Variants in RPS6KC1 observed in about 807,000 individuals in gnomAD.
RPS6KC1 encodes inactive ribosomal protein S6 kinase delta-1.
Under a neutral mutation model 103.8 loss-of-function variants are expected in RPS6KC1, and 54 were observed. That is an observed-to-expected ratio of 0.52 (90% CI 0.42 to 0.65). The LOEUF (loss-of-function observed/expected upper bound fraction) is 0.65. RPS6KC1 is among the 30% of genes least tolerant of loss of function. The pLI is 0.00. For missense variants in RPS6KC1, 1,151 were observed against 1,253.8 expected (o/e 0.92, Z 1.24); for synonymous variants, 439 against 438.7 (o/e 1.00, Z -0.01).
chr1:213,317,162 G>T, the RPS6KC1 span, among the ~76,000 whole-genome samples: 1 of 152,228 alleles, frequency 6.6e-6, no homozygotes, highest in African/African-American at 2.4e-5. Context: ...TTGGGTGTAT[G>T]TAAATTGAGA....
chr1:213,601,869 C>A, the RPS6KC1 span, among the ~76,000 whole-genome samples: 8 of 151,538 alleles, frequency 5.3e-5, no homozygotes, highest in Non-Finnish European at 8.8e-5. Context: ...TCCTTCATTT[C>A]TTTTCTTCCT....
the RPS6KC1 span, among the ~76,000 whole-genome samples, chr1:213,328,475 TTAG>T: frequency 7.0e-6 from 1 of 142,746 alleles, no homozygotes; most frequent in Non-Finnish European, 1.5e-5. Flanking sequence ...TGTGTTCAAC[TTAG>T]TAGGAACTGG....
At chr1:213,544,785 G>A in the RPS6KC1 span, among the ~76,000 whole-genome samples, 2 of 152,278 alleles carry the variant, frequency 1.3e-5, no homozygotes, top group South Asian at 4.1e-4. Context: ...TCACCTTAGA[G>A]GGTCTTCTCT....
At chr1:213,314,228 T>C in the RPS6KC1 span, among the ~76,000 whole-genome samples, 7 of 152,210 alleles carry the variant, frequency 4.6e-5, no homozygotes, top group African/African-American at 1.7e-4. Flanking sequence ...ATCAGTCATA[T>C]TGGATTAGGT....
At chr1:213,316,700 AGTGTGTGTGTGTGTGTGT>A in the RPS6KC1 span, among the ~76,000 whole-genome samples, 3 of 144,430 alleles carry the variant, frequency 2.1e-5, no homozygotes, top group African/African-American at 7.5e-5. Flanking sequence ...TAGGGCATGC[AGTGTGTGTGTGTGTGTGT>A]GTGTGTGTGT....
At chr1:213,140,894 A>G (rs555325492) in intron 6 of RPS6KC1, among the ~76,000 whole-genome samples, 1 of 101,190 alleles carries the variant, frequency 9.9e-6, no homozygotes, top group East Asian at 2.6e-4. Flanking sequence ...GTACCTCCTC[A>G]TTTTTTTTTT....
At chr1:213,669,952 C>T in the RPS6KC1 span, among the ~76,000 whole-genome samples, 1 of 152,272 alleles carries the variant, frequency 6.6e-6, no homozygotes, top group East Asian at 1.9e-4. Flanking sequence ...TCCAGCCTCA[C>T]CTAGGGATCC....
At chr1:213,593,684 C>A in the RPS6KC1 span, among the ~76,000 whole-genome samples, 8 of 151,758 alleles carry the variant, frequency 5.3e-5, no homozygotes, top group African/African-American at 1.9e-4. Flanking sequence ...GGGAAAGATA[C>A]GAGCGAAGGT....
intron 9 of RPS6KC1, among the ~76,000 whole-genome samples, chr1:213,231,794 A>T (rs2094110367): frequency 6.6e-6 from 1 of 152,230 alleles, no homozygotes; most frequent in Non-Finnish European, 1.5e-5. Flanking sequence ...AGATATAGAT[A>T]AGTAAAATAA....
the RPS6KC1 span, among the ~76,000 whole-genome samples, chr1:213,579,717 A>C: frequency 6.6e-6 from 1 of 152,036 alleles, no homozygotes; most frequent in Non-Finnish European, 1.5e-5. Context: ...CTCATTTACC[A>C]TTCCAAAAAT....
the RPS6KC1 span, among the ~76,000 whole-genome samples, chr1:213,354,911 G>A: frequency 1.1e-3 from 174 of 152,280 alleles, no homozygotes; most frequent in African/African-American, 3.8e-3. Flanking sequence ...ACCGTAGCCA[G>A]CCCTTGGCAA....
At chr1:213,509,448 C>T in the RPS6KC1 span, among the ~76,000 whole-genome samples, 5 of 151,992 alleles carry the variant, frequency 3.3e-5, no homozygotes, top group South Asian at 4.2e-4. Context: ...AGTAAATGGT[C>T]GTTCAATTTT....
the RPS6KC1 span, among the ~76,000 whole-genome samples, chr1:213,857,305 C>T: frequency 6.6e-6 from 1 of 152,272 alleles, no homozygotes; most frequent in Admixed American, 6.5e-5. Flanking sequence ...TCAGACTCCT[C>T]ATGAAAAACT....
At chr1:213,218,220 T>C (rs2093722418) in intron 8 of RPS6KC1, among the ~76,000 whole-genome samples, 1 of 152,222 alleles carries the variant, frequency 6.6e-6, no homozygotes, top group East Asian at 1.9e-4. Flanking sequence ...AGCATTCTTA[T>C]ACACCAATAA....
the RPS6KC1 span, among the ~76,000 whole-genome samples, chr1:213,671,276 G>A: frequency 6.6e-6 from 1 of 152,080 alleles, no homozygotes; most frequent in African/African-American, 2.4e-5. Context: ...CAGGCACAAA[G>A]AGACAAATAC....
chr1:213,534,877 T>C, the RPS6KC1 span, among the ~76,000 whole-genome samples: 1 of 152,208 alleles, frequency 6.6e-6, no homozygotes, highest in South Asian at 2.1e-4. Context: ...TTTCAGAGCC[T>C]GCTGGTAACA....
chr1:213,085,921 CT>C (rs35296945), intron 3 of RPS6KC1, among the ~76,000 whole-genome samples: 8 of 148,394 alleles, frequency 5.4e-5, no homozygotes, highest in Middle Eastern at 3.4e-3. Flanking sequence ...ATCCTATTTT[CT>C]TTTTTTTTTA....
intron 4 of RPS6KC1, among the ~76,000 whole-genome samples, chr1:213,113,446 A>G (rs1199566850): frequency 6.6e-6 from 1 of 150,714 alleles, no homozygotes; most frequent in South Asian, 2.1e-4. Context: ...TTCATTGTAG[A>G]TTCTGGATAT....
chr1:213,310,699 G>A, the RPS6KC1 span, among the ~76,000 whole-genome samples: 2 of 152,186 alleles, frequency 1.3e-5, no homozygotes, highest in South Asian at 2.1e-4. Context: ...GTTTGAACAC[G>A]AACGTAGTCA....
Sources: gnomAD v4.1 joint callset for allele counts (sites outside exome capture counted in the v4.1 genomes callset) on GRCh38, gnomAD v4.1.1 for gene constraint, MANE v1.5 for transcripts, NCBI Gene and HGNC (gene_info 2026-07-23, HGNC 2026-07-21) for gene names.